Variants in FBXO36 observed in about 807,000 individuals in gnomAD.
FBXO36 encodes F-box protein 36, also known as F-box only protein 36.
FBXO36 carries 18 observed loss-of-function variants against 17.0 expected under a neutral mutation model. That is an observed-to-expected ratio of 1.06 (90% confidence interval 0.73 to 1.57). FBXO36 has a LOEUF of 1.57. FBXO36 is among the 40% of genes most tolerant of loss of function. The pLI is 0.00. For missense variants in FBXO36, 229 were observed against 221.9 expected, an observed-to-expected ratio of 1.03 and a Z score of -0.20; for synonymous variants, 83 against 85.3, an observed-to-expected ratio of 0.97 and a Z score of 0.15.
At chr2:229,935,589 C>T (rs1400388961) in intron 1 of FBXO36, among the ~76,000 whole-genome samples, 1 of 152,002 alleles carries the variant, frequency 6.6e-6, no homozygotes, top group East Asian at 1.9e-4. Context: ...ATTTTCAATG[C>T]TTTTTTTCTG....
At chr2:229,962,503 A>T (rs747891399) in intron 1 of FBXO36, among the ~76,000 whole-genome samples, 78 of 82,256 alleles carry the variant, frequency 9.5e-4, no homozygotes, top group Non-Finnish European at 1.5e-3. Context: ...GTTGATTTTT[A>T]TTTTATTTTA....
intron 1 of FBXO36, among the ~76,000 whole-genome samples, chr2:229,924,225 T>G (rs1359708614): frequency 1.3e-5 from 2 of 152,190 alleles, no homozygotes; most frequent in Non-Finnish European, 2.9e-5. Flanking sequence ...CCCGAGTAAC[T>G]GGGATTACAG....
At chr2:230,000,808 G>A (rs1342680187) in intron 3 of FBXO36, among the ~76,000 whole-genome samples, 1 of 151,428 alleles carries the variant, frequency 6.6e-6, no homozygotes, top group Admixed American at 6.6e-5. Flanking sequence ...ACATGACTCA[G>A]GGCTGCTGCT....
chr2:229,928,919 C>A (rs1337144493), intron 1 of FBXO36, among the ~76,000 whole-genome samples: 2 of 151,882 alleles, frequency 1.3e-5, no homozygotes, highest in Non-Finnish European at 2.9e-5. Flanking sequence ...AATTTCTGTA[C>A]CCATCCTTAA....
At chr2:229,980,917 G>T (rs928872776) in intron 2 of FBXO36, among the ~76,000 whole-genome samples, 1 of 152,118 alleles carries the variant, frequency 6.6e-6, no homozygotes, top group Non-Finnish European at 1.5e-5. Flanking sequence ...AAGTTCAAAG[G>T]CTCCTGTGTC....
At chr2:229,954,542 CTT>C (rs1176794800) in intron 1 of FBXO36, among the ~76,000 whole-genome samples, 11 of 78,802 alleles carry the variant, frequency 1.4e-4, no homozygotes, top group South Asian at 9.8e-4. Flanking sequence ...TGCACCCGGC[CTT>C]TTTTTTTTTT....
At chr2:229,999,602 T>G (rs1382462403) in intron 3 of FBXO36, among the ~76,000 whole-genome samples, 1 of 150,948 alleles carries the variant, frequency 6.6e-6, no homozygotes, top group Non-Finnish European at 1.5e-5. Context: ...GCTCTTGAAC[T>G]CCTGGGCTCA....
chr2:229,999,485 GTGTATATATATA>G (rs2077346250), intron 3 of FBXO36, among the ~76,000 whole-genome samples: 2 of 147,888 alleles, frequency 1.4e-5, no homozygotes, highest in South Asian at 4.2e-4. Context: ...GTGTGTGTGT[GTGTATATATATA>G]TGTATATATA....
At chr2:229,926,456 A>T (rs1264958989) in intron 1 of FBXO36, among the ~76,000 whole-genome samples, 1 of 151,408 alleles carries the variant, frequency 6.6e-6, no homozygotes, top group Non-Finnish European at 1.5e-5. Flanking sequence ...AATAAATAAG[A>T]TTTACTTGGC....
At chr2:229,962,498 T>TTTTTA (rs150685147) in intron 1 of FBXO36, among the ~76,000 whole-genome samples, 24,999 of 127,186 alleles carry the variant, frequency 0.2, 2,847 homozygotes, top group Middle Eastern at 0.29. Context: ...ACCTAGTTGA[T>TTTTTA]TTTTATTTTA....
At chr2:229,963,483 C>T (rs543870138) in intron 1 of FBXO36, among the ~76,000 whole-genome samples, 2 of 139,974 alleles carry the variant, frequency 1.4e-5, no homozygotes, top group South Asian at 2.2e-4. Context: ...CTCACTCTGT[C>T]GCCCAGGCTG....
chr2:229,993,324 C>A (rs2077307237), intron 2 of FBXO36, among the ~76,000 whole-genome samples: 1 of 152,168 alleles, frequency 6.6e-6, no homozygotes, highest in South Asian at 2.1e-4. Flanking sequence ...TCTCTAAGGG[C>A]AGCCACTATA....
intron 1 of FBXO36, among the ~76,000 whole-genome samples, chr2:229,958,999 C>G (rs1291609679): frequency 6.6e-6 from 1 of 152,082 alleles, no homozygotes; most frequent in Non-Finnish European, 1.5e-5. Context: ...CCGGAATGTC[C>G]CTCTAAGTCC....
At chr2:229,998,348 C>A (rs1000632976) in intron 3 of FBXO36, among the ~76,000 whole-genome samples, 8 of 152,070 alleles carry the variant, frequency 5.3e-5, no homozygotes, top group African/African-American at 1.7e-4. Flanking sequence ...TATGGCCGGG[C>A]GCGGTGGCTC....
intron 3 of FBXO36, among the ~76,000 whole-genome samples, chr2:230,003,141 C>T (rs1015670702): frequency 2.8e-5 from 4 of 144,256 alleles, no homozygotes; most frequent in South Asian, 2.2e-4. Context: ...ACCCAGGAGG[C>T]GGAGATTGCA....
At chr2:229,949,782 G>A (rs1220737305) in intron 1 of FBXO36, among the ~76,000 whole-genome samples, 2 of 152,158 alleles carry the variant, frequency 1.3e-5, no homozygotes, top group Non-Finnish European at 2.9e-5. Context: ...AAAATTAGCC[G>A]GGCGTGGTGG....
At chr2:229,995,954 G>A (rs2077324913) in intron 2 of FBXO36, among the ~76,000 whole-genome samples, 1 of 151,678 alleles carries the variant, frequency 6.6e-6, no homozygotes, top group Non-Finnish European at 1.5e-5. Context: ...TGGTAAAGAA[G>A]GAAGAAAGTT....
At chr2:229,963,187 T>G (rs2077132811) in intron 1 of FBXO36, among the ~76,000 whole-genome samples, 1 of 151,786 alleles carries the variant, frequency 6.6e-6, no homozygotes, top group Non-Finnish European at 1.5e-5. Flanking sequence ...TGCCTCAGCC[T>G]CCTGAGTAAC....
chr2:229,948,844 A>AT, intron 1 of FBXO36, among the ~76,000 whole-genome samples: 1 of 151,814 alleles, frequency 6.6e-6, no homozygotes, highest in East Asian at 1.9e-4. Flanking sequence ...TTTATTTTTT[A>AT]TTTTTTTGAG....
Sources: gnomAD v4.1 joint callset for allele counts (sites outside exome capture counted in the v4.1 genomes callset) on GRCh38, gnomAD v4.1.1 for gene constraint, MANE v1.5 for transcripts, NCBI Gene and HGNC (gene_info 2026-07-23, HGNC 2026-07-21) for gene names.